The following ULK4 variants were observed in gnomAD, a reference collection of about 807,000 sequenced individuals.
ULK4 encodes unc-51 like kinase 4, also known as inactive serine/threonine-protein kinase ULK4.
A neutral mutation model predicts 160.6 loss-of-function variants in ULK4; 133 were observed. That is an observed-to-expected ratio of 0.83 (90% CI 0.72 to 0.96). The LOEUF (loss-of-function observed/expected upper bound fraction) is 0.96. Ranked by LOEUF, ULK4 falls within the 40% of genes least tolerant of loss-of-function variation. The pLI is 0.00. For missense variants in ULK4, 1,580 were observed against 1,499.5 expected, an observed-to-expected ratio of 1.05 and a Z score of -0.89; for synonymous variants, 534 against 539.8, an observed-to-expected ratio of 0.99 and a Z score of 0.15.
intron 33 of ULK4, among the ~76,000 whole-genome samples, chr3:41,459,639 G>C (rs1156557210): frequency 6.6e-5 from 10 of 152,192 alleles, no homozygotes; most frequent in Admixed American, 6.5e-4. Context: ...GTTAAGGAGG[G>C]AAGTAGGATA....
rs573196208 is a variant in ULK4 at position 41,568,775 on chromosome 3, G to A, written c.3121-2645C>T. Reference sequence around the variant, plus strand: ...ATTCTGCAGCTGACACAAGCTGAGCGTTCTCTACTTCAACTCCACAAAATC... The same window carrying A: ...ATTCTGCAGCTGACACAAGCTGAGCATTCTCTACTTCAACTCCACAAAATC... On this transcript the variant is annotated intron_variant, in intron 31 of 36. Transcript: ENST00000301831. Among the ~76,000 whole-genome samples the A allele has an allele frequency of 4.6e-4, 70 of 152,270 alleles. 1 individual carries two copies. The highest frequency in any genetic ancestry group is 2.3e-3 in the South Asian group (11 of 4,820).
intron 35 of ULK4, among the ~76,000 whole-genome samples, chr3:41,326,357 C>T (rs897894075): frequency 3.3e-5 from 5 of 152,144 alleles, no homozygotes; most frequent in South Asian, 2.1e-4. Flanking sequence ...AATGCCTGCC[C>T]GCTACAATCC....
intron 35 of ULK4, among the ~76,000 whole-genome samples, chr3:41,386,925 T>A (rs938763182): frequency 2.0e-5 from 3 of 152,162 alleles, no homozygotes; most frequent in Non-Finnish European, 4.4e-5. Context: ...TGAGGTGGAC[T>A]ATCATTTTAT....
At chr3:41,381,571 C>A (rs2081652420) in intron 35 of ULK4, among the ~76,000 whole-genome samples, 1 of 152,184 alleles carries the variant, frequency 6.6e-6, no homozygotes, top group South Asian at 2.1e-4. Context: ...TTGACTATTT[C>A]TTTCATAGTC....
chr3:41,305,764 T>C (rs1267997058), intron 35 of ULK4, among the ~76,000 whole-genome samples: 1 of 133,020 alleles, frequency 7.5e-6, no homozygotes, highest in Non-Finnish European at 1.5e-5. Context: ...CCGTCCCACC[T>C]AGGAAGTGAG....
intron 34 of ULK4, among the ~76,000 whole-genome samples, chr3:41,418,343 G>C (rs1359323599): frequency 1.1e-5 from 1 of 94,408 alleles, no homozygotes; most frequent in Non-Finnish European, 2.0e-5. Context: ...TTAATTTGGC[G>C]GGGGGGGGGG....
chr3:41,695,645 T>C (rs759669359), intron 27 of ULK4, among the ~76,000 whole-genome samples: 1 of 152,246 alleles, frequency 6.6e-6, no homozygotes, highest in Non-Finnish European at 1.5e-5. Flanking sequence ...GTAGACTGAA[T>C]GATGCCCGCC....
intron 31 of ULK4, among the ~76,000 whole-genome samples, chr3:41,605,775 AG>A (rs1254900068): frequency 6.6e-6 from 1 of 152,068 alleles, no homozygotes; most frequent in Non-Finnish European, 1.5e-5. Flanking sequence ...TGACATTCAT[AG>A]AACATTCCAA....
intron 32 of ULK4, among the ~76,000 whole-genome samples, chr3:41,493,305 G>A (rs2084860808): frequency 6.9e-6 from 1 of 145,492 alleles, no homozygotes. Context: ...CATGGAAACT[G>A]AACAACCTGC....
chr3:41,495,788 C>T (rs2084966438), intron 32 of ULK4, among the ~76,000 whole-genome samples: 1 of 151,584 alleles, frequency 6.6e-6, no homozygotes, highest in African/African-American at 2.4e-5. Context: ...AGACACTTCT[C>T]AAAAGAAGAC....
intron 32 of ULK4, among the ~76,000 whole-genome samples, chr3:41,476,445 A>C (rs1190828677): frequency 1.3e-5 from 2 of 152,172 alleles, no homozygotes; most frequent in African/African-American, 4.8e-5. Context: ...GGGAAGTTCA[A>C]GGATATTGCC....
intron 32 of ULK4, among the ~76,000 whole-genome samples, chr3:41,536,042 G>A (rs2086487363): frequency 6.6e-6 from 1 of 152,122 alleles, no homozygotes; most frequent in South Asian, 2.1e-4. Flanking sequence ...ACAGCAAGAG[G>A]ATTTGCACAT....
At chr3:41,425,890 G>T (rs952090945) in intron 34 of ULK4, among the ~76,000 whole-genome samples, 1 of 152,146 alleles carries the variant, frequency 6.6e-6, no homozygotes, top group African/African-American at 2.4e-5. Context: ...AAAATAACCA[G>T]CTAGCATCAT....
chr3:41,831,531 A>ATATATATATTTTTTTTTTT, intron 18 of ULK4, among the ~76,000 whole-genome samples: 3 of 138,066 alleles, frequency 2.2e-5, no homozygotes, highest in South Asian at 4.6e-4. Flanking sequence ...ATATATATAT[A>ATATATATATTTTTTTTTTT]TTTTTTTTTC....
chr3:41,776,648 T>C (rs2039639617), intron 21 of ULK4, among the ~76,000 whole-genome samples: 1 of 113,478 alleles, frequency 8.8e-6, no homozygotes, highest in Non-Finnish European at 2.0e-5. Context: ...TTGAATTTTG[T>C]CAAAGGCTTT....
intron 35 of ULK4, among the ~76,000 whole-genome samples, chr3:41,382,311 A>G (rs1160172422): frequency 6.6e-6 from 1 of 152,174 alleles, no homozygotes; most frequent in Non-Finnish European, 1.5e-5. Context: ...CAGGCACTCA[A>G]TATTTACTTG....
chr3:41,656,433 C>A (rs2034938528), intron 30 of ULK4, among the ~76,000 whole-genome samples: 1 of 152,130 alleles, frequency 6.6e-6, no homozygotes, highest in Non-Finnish European at 1.5e-5. Context: ...AAAATCATTA[C>A]ATGTATTAAA....
At chr3:41,454,108 A>G (rs2083483851) in intron 34 of ULK4, among the ~76,000 whole-genome samples, 1 of 150,356 alleles carries the variant, frequency 6.7e-6, no homozygotes, top group Non-Finnish European at 1.5e-5. Context: ...GCACACCAAC[A>G]TGGCACATGT....
intron 22 of ULK4, among the ~76,000 whole-genome samples, chr3:41,740,350 G>A (rs1428720055): frequency 6.6e-6 from 1 of 151,668 alleles, no homozygotes; most frequent in Admixed American, 6.6e-5. Context: ...AGGAAAATCT[G>A]ATCCATCAGG....
Sources: gnomAD v4.1 joint callset for allele counts (sites outside exome capture counted in the v4.1 genomes callset) on GRCh38, gnomAD v4.1.1 for gene constraint, MANE v1.5 for transcripts, NCBI Gene and HGNC (gene_info 2026-07-23, HGNC 2026-07-21) for gene names.